Variants in AGBL1 observed in about 807,000 individuals in gnomAD.
AGBL1 encodes cytosolic carboxypeptidase 4.
A neutral mutation model predicts 118.9 loss-of-function variants in AGBL1; 130 were observed. The observed-to-expected ratio is 1.09, with a 90% CI of 0.95 to 1.26. AGBL1 has a LOEUF of 1.26. Among genes scored for constraint, AGBL1 ranks in the 50% most tolerant of loss-of-function variants. AGBL1 has a pLI of 0.00. For synonymous variants in AGBL1, 555 were observed against 478.9 expected (o/e 1.16, Z -2.08); for missense variants, 1,584 against 1,298.1 (o/e 1.22, Z -3.38).
intron 5 of AGBL1, among the ~76,000 whole-genome samples, chr15:86,224,361 G>T (rs1597583268): frequency 1.3e-5 from 2 of 152,130 alleles, no homozygotes; most frequent in Non-Finnish European, 2.9e-5. Context: ...TGGCAGAAAG[G>T]AATGAATTTG....
At chr15:86,878,678 T>G (rs1339301381) in intron 22 of AGBL1, among the ~76,000 whole-genome samples, 1 of 152,174 alleles carries the variant, frequency 6.6e-6, no homozygotes, top group Non-Finnish European at 1.5e-5. Context: ...TCTACTGGAC[T>G]TCCTTAAGGC....
At chr15:86,382,304 T>G (rs2141962648) in intron 17 of AGBL1, among the ~76,000 whole-genome samples, 1 of 152,264 alleles carries the variant, frequency 6.6e-6, no homozygotes, top group South Asian at 2.1e-4. Flanking sequence ...CAGAAATAAG[T>G]CTTTGAGACT....
chr15:86,715,204 G>A (rs34949401), intron 22 of AGBL1, among the ~76,000 whole-genome samples: 58,204 of 152,022 alleles, frequency 0.38, 12,364 homozygotes, highest in Non-Finnish European at 0.48. Flanking sequence ...GTCAGAGAAT[G>A]GGGGAAAATA....
At chr15:86,219,519 C>T (rs1440175049) in intron 5 of AGBL1, among the ~76,000 whole-genome samples, 4 of 152,006 alleles carry the variant, frequency 2.6e-5, no homozygotes, top group Non-Finnish European at 5.9e-5. Context: ...AACCCAGAAG[C>T]AGAAAAGTGG....
intron 6 of AGBL1, among the ~76,000 whole-genome samples, chr15:86,235,689 TC>T (rs11292749): frequency 0.13 from 19,629 of 152,210 alleles, 1,493 homozygotes; most frequent in South Asian, 0.17. Context: ...ATATACAATC[TC>T]ATTTAATCTT....
intron 18 of AGBL1, among the ~76,000 whole-genome samples, chr15:86,441,572 G>T (rs941504129): frequency 6.6e-6 from 1 of 152,152 alleles, no homozygotes; most frequent in Non-Finnish European, 1.5e-5. Flanking sequence ...ATCCGTAAAG[G>T]CAGACCCATG....
At chr15:86,190,070 T>C (rs1475391730) in intron 5 of AGBL1, among the ~76,000 whole-genome samples, 3 of 152,190 alleles carry the variant, frequency 2.0e-5, no homozygotes, top group African/African-American at 7.2e-5. Context: ...TTCCTATGTC[T>C]CAAAGGACTA....
intron 22 of AGBL1, among the ~76,000 whole-genome samples, chr15:86,797,699 C>A (rs2078592449): frequency 6.6e-6 from 1 of 152,030 alleles, no homozygotes; most frequent in Non-Finnish European, 1.5e-5. Flanking sequence ...GAGGCAAGGA[C>A]CTTCAAGTTA....
intron 22 of AGBL1, among the ~76,000 whole-genome samples, chr15:86,710,831 C>G (rs770805315): frequency 4.6e-5 from 7 of 152,164 alleles, no homozygotes; most frequent in Non-Finnish European, 1.0e-4. Flanking sequence ...CAGACAGTTT[C>G]AAGGTCAAAT....
At chr15:86,671,885 G>A (rs978558158) in intron 21 of AGBL1, among the ~76,000 whole-genome samples, 1 of 152,160 alleles carries the variant, frequency 6.6e-6, no homozygotes, top group African/African-American at 2.4e-5. Context: ...CTCCATGCCA[G>A]AGATGTAAAG....
intron 23 of AGBL1, among the ~76,000 whole-genome samples, chr15:86,961,378 T>C (rs2141686177): frequency 6.6e-6 from 1 of 152,050 alleles, no homozygotes; most frequent in Admixed American, 6.6e-5. Flanking sequence ...AATTGGTCAG[T>C]ATAATGACAA....
At chr15:86,298,263 ATATATATATATATATATGGTAAC>A (rs1295782288) in intron 17 of AGBL1, among the ~76,000 whole-genome samples, 3 of 80,178 alleles carry the variant, frequency 3.7e-5, no homozygotes, top group African/African-American at 1.5e-4. Context: ...ATATATATAT[ATATATATATATATATATGGTAAC>A]TATATATATA....
rs567887333 is a variant in AGBL1, at chr15:86,988,244, C to A, written c.3323+156C>A. ...TACCCTTCAGCTTTGCAAGACAATG[C>A]CAACTTCTTTTCCAAAGTGGTTGCA... On this transcript the variant is annotated intron_variant, in intron 24 of 24. Transcript: ENST00000441037. The A allele has an allele frequency of 5.1e-5, 43 of 840,974 alleles. No individual in the cohort carries two copies. In the African/African-American group the frequency reaches 6.2e-4, roughly 12 times the overall value. The allele number at this position is 840,974 out of a possible 1,614,324, so 52.1% of individuals were successfully genotyped here. A position where few individuals can be genotyped will look rare whatever the true frequency, so the allele number is the denominator to read the frequency against.
chr15:86,955,085 C>G (rs2141676276), intron 23 of AGBL1, among the ~76,000 whole-genome samples: 1 of 152,196 alleles, frequency 6.6e-6, no homozygotes, highest in Admixed American at 6.5e-5. Context: ...GGCTGTCGTA[C>G]ATTTCACTAT....
At chr15:86,713,915 G>T (rs557479741) in intron 22 of AGBL1, among the ~76,000 whole-genome samples, 10 of 152,306 alleles carry the variant, frequency 6.6e-5, no homozygotes, top group Admixed American at 1.3e-4. Flanking sequence ...GCATGCGGCT[G>T]TTAGAGAGAG....
At chr15:86,963,789 T>C (rs1013738080) in intron 23 of AGBL1, among the ~76,000 whole-genome samples, 9 of 151,950 alleles carry the variant, frequency 5.9e-5, no homozygotes, top group African/African-American at 1.2e-4. Flanking sequence ...TTCTGAACAA[T>C]GGTCCTCTGA....
chr15:86,506,842 C>T (rs1468881320), intron 18 of AGBL1, among the ~76,000 whole-genome samples: 1 of 151,986 alleles, frequency 6.6e-6, no homozygotes, highest in Non-Finnish European at 1.5e-5. Flanking sequence ...TTGAGATTTT[C>T]TCACCTTTAA....
At chr15:86,332,708 T>G (rs2080293407) in intron 17 of AGBL1, among the ~76,000 whole-genome samples, 3 of 150,416 alleles carry the variant, frequency 2.0e-5, no homozygotes. Context: ...TTGGACCTCA[T>G]AGATGTCTAC....
At chr15:86,311,404 G>T (rs945839460) in intron 17 of AGBL1, among the ~76,000 whole-genome samples, 2 of 152,106 alleles carry the variant, frequency 1.3e-5, no homozygotes, top group African/African-American at 2.4e-5. Context: ...GAATTTGAAG[G>T]TCTGTTTGTA....
Sources: allele counts gnomAD v4.1 joint callset (sites outside exome capture counted in the v4.1 genomes callset), GRCh38; gene constraint gnomAD v4.1.1; transcripts MANE v1.5; gene names NCBI Gene and HGNC (gene_info 2026-07-23, HGNC 2026-07-21).